The following EPC1 variants were observed in gnomAD, a reference collection of about 807,000 sequenced individuals.
The protein encoded by EPC1 is enhancer of polycomb homolog 1.
EPC1 carries 12 observed loss-of-function variants against 98.4 expected under a neutral mutation model. The ratio of observed to expected loss-of-function variants is 0.12; its 90% CI spans 0.08 to 0.20. The LOEUF (loss-of-function observed/expected upper bound fraction) is 0.20, where lower values mean the gene tolerates loss of function less well. Among genes scored for constraint, EPC1 ranks in the 10% least tolerant of loss-of-function variants. The pLI, the probability that EPC1 is intolerant of heterozygous loss-of-function variation, is 1.00. For missense variants in EPC1, 729 were observed against 990.5 expected (o/e 0.74, Z 3.54); for synonymous variants, 357 against 363.9 (o/e 0.98, Z 0.21).
intron 2 of EPC1, among the ~76,000 whole-genome samples, chr10:32,305,352 G>A (rs1006362328): frequency 6.6e-6 from 1 of 152,236 alleles, no homozygotes; most frequent in Non-Finnish European, 1.5e-5. Context: ...GAACTGAATA[G>A]TTGTGACAGA....
upstream of EPC1, among the ~76,000 whole-genome samples, chr10:32,350,473 T>C (rs1183409157): frequency 6.6e-6 from 1 of 152,176 alleles, no homozygotes; most frequent in Non-Finnish European, 1.5e-5. Context: ...GAAATGCTAT[T>C]ATAGAAGAAA....
chr10:32,376,228 T>C (rs765018863), intron 1 of EPC1, among the ~76,000 whole-genome samples: 33 of 152,048 alleles, frequency 2.2e-4, no homozygotes, highest in Non-Finnish European at 4.4e-4. Context: ...ACAAAGAGCA[T>C]TGCATAGCTC....
intron 1 of EPC1, among the ~76,000 whole-genome samples, chr10:32,339,103 G>A: frequency 6.6e-6 from 1 of 152,080 alleles, no homozygotes; most frequent in Admixed American, 6.5e-5. Flanking sequence ...TCTTAAACTG[G>A]AACCAACTAT....
At position 32,362,727 on chromosome 10, in the gene EPC1, G is replaced by A. The variant is rs549838950; in HGVS notation, c.3+15764C>T. On this transcript the variant is annotated intron_variant, in intron 1 of 13. Transcript: ENST00000375110. ...CCCACCTGGATAGTTTTTGGCCCAC[G>A]AAGATGCCAACTCAACTGCCTGGTA... Among the ~76,000 whole-genome samples, 15 of 152,222 alleles carry A rather than the reference G, an allele frequency of 9.9e-5. No individual in the cohort carries two copies. In the South Asian group the frequency reaches 1.7e-3, roughly 17 times the overall value.
At chr10:32,288,382 T>C (rs1836809761) in intron 6 of EPC1, among the ~76,000 whole-genome samples, 3 of 149,844 alleles carry the variant, frequency 2.0e-5, no homozygotes, top group African/African-American at 7.4e-5. Context: ...TGGTGCGGTA[T>C]CAGCACACTG....
chr10:32,361,983 G>A (rs928002885), intron 1 of EPC1, among the ~76,000 whole-genome samples: 1 of 152,172 alleles, frequency 6.6e-6, no homozygotes, highest in Non-Finnish European at 1.5e-5. Context: ...CCAGCATCAG[G>A]ACAGTTTACA....
chr10:32,318,546 A>C (rs1448313182), intron 1 of EPC1, among the ~76,000 whole-genome samples: 1 of 152,102 alleles, frequency 6.6e-6, no homozygotes, highest in Non-Finnish European at 1.5e-5. Flanking sequence ...GTATATAAAG[A>C]CCTTACTATA....
At chr10:32,345,125 ACTTT>A (rs1838672884) in intron 1 of EPC1, 1 of 970,010 alleles carries the variant, frequency 1.0e-6, no homozygotes, top group African/African-American at 1.8e-5. Flanking sequence ...AGTCACAAGT[ACTTT>A]AATTTTTAAA....
chr10:32,372,439 T>C (rs889300827), intron 1 of EPC1, among the ~76,000 whole-genome samples: 1 of 152,220 alleles, frequency 6.6e-6, no homozygotes, highest in Non-Finnish European at 1.5e-5. Context: ...CTGGACCTAA[T>C]GTTATGAATC....
In EPC1 at chr10:32,299,887, C is replaced by T. The variant is rs558820704; in HGVS notation, c.313+5885G>A. 1.6e-3 allele frequency among the ~76,000 whole-genome samples: 250 copies of T among 152,130 alleles called. 2 individuals carry two copies. The highest frequency in any genetic ancestry group is 5.8e-3 in the African/African-American group (242 of 41,500). On this transcript the variant is annotated intron_variant, in intron 2 of 13. Transcript: ENST00000319778. The stretch of plus-strand genomic sequence containing the variant: ...CACTGATGATTCTAGTATGATCCAA[C>T]CCTGATTTATGATAATTGCAAAAAT...
At chr10:32,318,162 C>T (rs1276625962) in intron 1 of EPC1, among the ~76,000 whole-genome samples, 1 of 152,138 alleles carries the variant, frequency 6.6e-6, no homozygotes, top group East Asian at 1.9e-4. Context: ...CTTAGAAAAG[C>T]CGCAATCTAA....
chr10:32,343,982 G>A (rs1838566059), intron 1 of EPC1, among the ~76,000 whole-genome samples: 1 of 152,110 alleles, frequency 6.6e-6, no homozygotes, highest in Non-Finnish European at 1.5e-5. Context: ...ACCAACATAG[G>A]ACTACATACT....
chr10:32,269,446 A>G (rs1210621322), intron 13 of EPC1: 7 of 260,916 alleles, frequency 2.7e-5, no homozygotes, highest in African/African-American at 4.6e-5. Context: ...TCTCTATTAA[A>G]CCTTTCAAAA....
chr10:32,274,593 AG>A (rs1446492881), intron 10 of EPC1, among the ~76,000 whole-genome samples: 2 of 152,192 alleles, frequency 1.3e-5, no homozygotes, highest in African/African-American at 4.8e-5. Flanking sequence ...TTGGGCTATA[AG>A]GGCAAAAAAT....
chr10:32,326,822 A>C (rs1400468382), intron 1 of EPC1, among the ~76,000 whole-genome samples: 2 of 152,178 alleles, frequency 1.3e-5, no homozygotes, highest in Admixed American at 1.3e-4. Flanking sequence ...ACCATCAGGA[A>C]AATGCAAATC....
intron 1 of EPC1, among the ~76,000 whole-genome samples, chr10:32,317,838 A>G (rs949176098): frequency 2.0e-5 from 3 of 152,216 alleles, no homozygotes; most frequent in Non-Finnish European, 4.4e-5. Flanking sequence ...ATCAATTTCT[A>G]GAATACAAAA....
chr10:32,356,337 C>T (rs1005984699), intron 1 of EPC1, among the ~76,000 whole-genome samples: 2 of 151,990 alleles, frequency 1.3e-5, no homozygotes, highest in African/African-American at 4.8e-5. Context: ...GAATCTAGTT[C>T]CCCTTCCCTT....
At chr10:32,293,791 C>T (rs1834984802) in intron 2 of EPC1, 54 bp from the exon 3 acceptor site, 1 of 1,505,812 alleles carries the variant, frequency 6.6e-7, no homozygotes, top group African/African-American at 1.4e-5. Context: ...CCGACAAAAA[C>T]TCCACAGATG....
chr10:32,321,746 T>C (rs1171122644), intron 1 of EPC1, among the ~76,000 whole-genome samples: 2 of 152,056 alleles, frequency 1.3e-5, no homozygotes, highest in Non-Finnish European at 2.9e-5. Flanking sequence ...GAAGTAGGAT[T>C]TGGACTGAGG....
Sources: allele counts gnomAD v4.1 joint callset (sites outside exome capture counted in the v4.1 genomes callset), GRCh38; gene constraint gnomAD v4.1.1; transcripts MANE v1.5; gene names NCBI Gene and HGNC (gene_info 2026-07-23, HGNC 2026-07-21).